ZMAT3: variants seen among roughly 807,000 people sequenced by gnomAD.
ZMAT3 encodes zinc finger matrin-type 3.
Under a neutral mutation model 32.3 loss-of-function variants are expected in ZMAT3, and 17 were observed. The observed-to-expected ratio is 0.53, with a 90% confidence interval of 0.36 to 0.79. The LOEUF (loss-of-function observed/expected upper bound fraction) is 0.79, where lower values mean the gene tolerates loss of function less well. ZMAT3 is among the 30% of genes least tolerant of loss of function. The pLI is 0.00. For synonymous variants in ZMAT3, 120 were observed against 133.1 expected, an observed-to-expected ratio of 0.90 and a Z score of 0.68; for missense variants, 329 against 359.7, an observed-to-expected ratio of 0.91 and a Z score of 0.69.
chr3:179,027,324 C>T, intron 5 of ZMAT3, 99 bp downstream of exon 5: 1 of 1,072,964 alleles, frequency 9.3e-7, no homozygotes, highest in Non-Finnish European at 1.3e-6. Context: ...CACTGACTAA[C>T]TCCAAATTCT....
At chr3:179,026,214 T>C (rs1718858874) in intron 5 of ZMAT3, among the ~76,000 whole-genome samples, 1 of 152,104 alleles carries the variant, frequency 6.6e-6, no homozygotes, top group Non-Finnish European at 1.5e-5. Context: ...GAGAACATAA[T>C]CTATCCTAAA....
intron 2 of ZMAT3, among the ~76,000 whole-genome samples, chr3:179,040,429 AACT>A (rs1452669438): frequency 6.6e-6 from 1 of 152,242 alleles, no homozygotes; most frequent in Non-Finnish European, 1.5e-5. Flanking sequence ...GCCGATATTC[AACT>A]TCCTTAAAGA....
At chr3:179,063,286 A>G (rs1309901072) in intron 2 of ZMAT3, among the ~76,000 whole-genome samples, 1 of 152,246 alleles carries the variant, frequency 6.6e-6, no homozygotes, top group Non-Finnish European at 1.5e-5. Context: ...GGTGATCAAT[A>G]TTAAAATGTA....
rs763057389 is a variant in ZMAT3 at position 179,017,654 on chromosome 3, G to A, written c.*7363C>T. ...ATCCTTTATCAAAGATAGTTCTAGT[G>A]AAATAGCAAAAGCAGTTTTAAAAGT... is the stretch of plus-strand genomic sequence containing the variant. On this transcript the variant is annotated 3_prime_UTR_variant, in exon 6 of 6. Transcript: ENST00000311417. 2.6e-5 allele frequency: 4 copies of A among 152,152 alleles called. No homozygotes were observed. Among genetic ancestry groups the A allele is most frequent in the African/African-American group, 9.7e-5 (4 of 41,430 alleles). 9.4% of individuals were successfully genotyped at this position (152,152 alleles called of 1,614,324 possible).
Position 179,022,243 on chromosome 3 carries a change from A to G in ZMAT3, c.*2774T>C, listed in dbSNP as rs1311983743. ...AGCCCTTAAGTCGGCTGCTTTTTCT[A>G]CGTATATAATGAAATTGTTAAGTGG... On this transcript the variant is annotated 3_prime_UTR_variant, in exon 6 of 6. Transcript: ENST00000311417. 3 of 152,318 alleles carry G rather than the reference A, an allele frequency of 2.0e-5. No individual in the cohort carries two copies. Among genetic ancestry groups the G allele is most frequent in the East Asian group, 3.9e-4 (2 of 5,186 alleles). The allele number at this position is 152,318 out of a possible 1,614,324, so 9.4% of individuals were successfully genotyped here. A position where few individuals can be genotyped will look rare whatever the true frequency, so the allele number is the denominator to read the frequency against.
rs188272401 is a variant in ZMAT3 at position 179,019,911 on chromosome 3, C to A, written c.*5106G>T. On this transcript the variant is annotated 3_prime_UTR_variant, in exon 6 of 6. Transcript: ENST00000311417. ...ATCAGTGTCAAGCTCTTCCAATCAA[C>A]CACACTGCCATTCACTAAGTACAAA... 1 of 152,234 alleles carries A rather than the reference C, an allele frequency of 6.6e-6. No homozygotes were observed. The highest frequency in any genetic ancestry group is 1.9e-4 in the East Asian group (1 of 5,186). The allele number at this position is 152,234 out of a possible 1,614,324, so 9.4% of individuals were successfully genotyped here. A position where few individuals can be genotyped will look rare whatever the true frequency, so the allele number is the denominator to read the frequency against.
chr3:179,030,303 T>C (rs1185526957), intron 3 of ZMAT3, among the ~76,000 whole-genome samples: 1 of 152,050 alleles, frequency 6.6e-6, no homozygotes, highest in Non-Finnish European at 1.5e-5. Context: ...AAAATCTCTC[T>C]TTTCATTTTG....
rs1294109171 is a variant in ZMAT3, at chr3:179,018,775, A to G, written c.*6242T>C. 6.6e-6 allele frequency: 1 copy of G among 152,232 alleles called. No homozygotes were observed. Among genetic ancestry groups the G allele is most frequent in the Non-Finnish European group, 1.5e-5 (1 of 68,028 alleles). 9.4% of individuals were successfully genotyped at this position (152,232 alleles called of 1,614,324 possible). A position where few individuals can be genotyped will look rare whatever the true frequency, so the allele number is the denominator to read the frequency against. The stretch of plus-strand genomic sequence containing the variant: ...TTACAATTTCAACAACTCATTGTAC[A>G]GTACAATCATTTTTAATTCTGCTAA... On this transcript the variant is annotated 3_prime_UTR_variant, in exon 6 of 6. Coordinates refer to ENST00000311417, the MANE Select transcript of ZMAT3 (RefSeq NM_022470.4).
At chr3:179,037,577 C>T (rs1041881626) in intron 2 of ZMAT3, among the ~76,000 whole-genome samples, 4 of 152,162 alleles carry the variant, frequency 2.6e-5, no homozygotes, top group African/African-American at 7.2e-5. Flanking sequence ...GAGGACACAG[C>T]ACCCACAGAG....
At chr3:179,047,544 A>G (rs1487531513) in intron 2 of ZMAT3, among the ~76,000 whole-genome samples, 2 of 152,234 alleles carry the variant, frequency 1.3e-5, no homozygotes, top group Non-Finnish European at 2.9e-5. Flanking sequence ...CAGAAGGTCA[A>G]CTACTAATCC....
intron 2 of ZMAT3, among the ~76,000 whole-genome samples, chr3:179,061,327 G>C (rs1553803682): frequency 6.6e-6 from 1 of 151,858 alleles, no homozygotes; most frequent in Non-Finnish European, 1.5e-5. Flanking sequence ...ATGGAGGGGA[G>C]AACGATAATA....
In ZMAT3 at chr3:179,067,806, A is replaced by C; in HGVS notation, c.-54T>G. The C allele has an allele frequency of 6.3e-7, 1 of 1,576,060 alleles. No individual in the cohort carries two copies. Among genetic ancestry groups the C allele is most frequent in the Admixed American group, 1.9e-5 (1 of 52,168 alleles). Reference sequence around the variant, plus strand: ...GTGGGTGATGAGAAGCAAGGTCTTCAAATCTGAATCAACAGCAAAAAAACA... The same window carrying C: ...GTGGGTGATGAGAAGCAAGGTCTTCCAATCTGAATCAACAGCAAAAAAACA... On this transcript the variant is annotated 5_prime_UTR_variant, in exon 2 of 6. Coordinates refer to ENST00000311417, the MANE Select transcript of ZMAT3 (RefSeq NM_022470.4).
chr3:179,042,563 G>T (rs530037605), intron 2 of ZMAT3, among the ~76,000 whole-genome samples: 12 of 152,272 alleles, frequency 7.9e-5, no homozygotes, highest in Non-Finnish European at 1.8e-4. Context: ...AGGTATTGAT[G>T]GAACGTATCT....
At chr3:179,055,255 C>T (rs927786756) in intron 2 of ZMAT3, among the ~76,000 whole-genome samples, 2 of 152,120 alleles carry the variant, frequency 1.3e-5, no homozygotes, top group Admixed American at 1.3e-4. Context: ...TACCGCCTGG[C>T]CACAATATCC....
intron 2 of ZMAT3, among the ~76,000 whole-genome samples, chr3:179,045,036 T>A (rs546568508): frequency 1.1e-4 from 16 of 151,522 alleles, no homozygotes; most frequent in East Asian, 3.9e-4. Flanking sequence ...TAATAAAAAA[T>A]AATAATAATA....
chr3:179,048,695 C>T (rs1483807291), intron 2 of ZMAT3, among the ~76,000 whole-genome samples: 1 of 142,480 alleles, frequency 7.0e-6, no homozygotes, highest in African/African-American at 2.6e-5. Flanking sequence ...TCCAAATACA[C>T]AAAAATAGGA....
At chr3:179,067,893 C>T (rs1451490910) in intron 1 of ZMAT3, 84 bp from the exon 2 acceptor site, 4 of 1,279,972 alleles carry the variant, frequency 3.1e-6, no homozygotes, top group African/African-American at 1.5e-5. Flanking sequence ...ACAACATAAT[C>T]TGACCCTTTC....
intron 3 of ZMAT3, among the ~76,000 whole-genome samples, chr3:179,028,741 T>C (rs1719018907): frequency 6.6e-6 from 1 of 152,174 alleles, no homozygotes; most frequent in Non-Finnish European, 1.5e-5. Flanking sequence ...TATATCTCAT[T>C]TTCCCCACAA....
intron 2 of ZMAT3, among the ~76,000 whole-genome samples, chr3:179,066,208 T>C (rs1377455550): frequency 1.3e-5 from 2 of 151,824 alleles, no homozygotes; most frequent in Non-Finnish European, 2.9e-5. Flanking sequence ...GTGATGAGAG[T>C]ACGTACTGGG....
Sources: gnomAD v4.1 joint callset for allele counts (sites outside exome capture counted in the v4.1 genomes callset) on GRCh38, gnomAD v4.1.1 for gene constraint, MANE v1.5 for transcripts, NCBI Gene and HGNC (gene_info 2026-07-23, HGNC 2026-07-21) for gene names.